Variants in CATSPERE observed in about 807,000 individuals in gnomAD.
The protein encoded by CATSPERE is catsper channel auxiliary subunit epsilon, also known as cation channel sperm-associated auxiliary subunit epsilon.
In CATSPERE, 93 loss-of-function variants were observed where a neutral mutation model predicts 114.1. That is an observed-to-expected ratio of 0.81 (90% CI 0.69 to 0.97). The LOEUF is 0.97. CATSPERE is among the 50% of genes least tolerant of loss of function. The pLI is 0.00. For missense variants in CATSPERE, 1,058 were observed against 1,131.6 expected, an observed-to-expected ratio of 0.93 and a Z score of 0.93; for synonymous variants, 341 against 384.1, an observed-to-expected ratio of 0.89 and a Z score of 1.31.
intron 13 of CATSPERE, among the ~76,000 whole-genome samples, chr1:244,584,833 AG>A (rs1276140111): frequency 3.9e-5 from 6 of 152,128 alleles, no homozygotes; most frequent in Non-Finnish European, 4.4e-5. Flanking sequence ...TCCATCCTTG[AG>A]CACTGCAGAC....
chr1:244,630,788 A>G (rs951777584), intron 20 of CATSPERE, among the ~76,000 whole-genome samples: 3 of 152,154 alleles, frequency 2.0e-5, no homozygotes, highest in Non-Finnish European at 2.9e-5. Flanking sequence ...AGTGGTTCGC[A>G]TCTGATCAAT....
intron 7 of CATSPERE, among the ~76,000 whole-genome samples, chr1:244,499,416 G>C (rs1449423086): frequency 6.6e-6 from 1 of 151,872 alleles, no homozygotes; most frequent in African/African-American, 2.4e-5. Flanking sequence ...ATGGTAGTTT[G>C]CTGCACCTAT....
intron 8 of CATSPERE, among the ~76,000 whole-genome samples, chr1:244,528,264 C>A (rs1436719813): frequency 1.3e-5 from 2 of 152,178 alleles, no homozygotes; most frequent in Non-Finnish European, 2.9e-5. Flanking sequence ...TAATGGCTTC[C>A]AGCTCCATCC....
chr1:244,572,834 AT>A (rs1324780409), intron 11 of CATSPERE, 62 bp downstream of exon 11: 2 of 1,082,794 alleles, frequency 1.8e-6, no homozygotes, highest in African/African-American at 3.2e-5. Flanking sequence ...TAATATTAAC[AT>A]TTTTGTAAAT....
chr1:244,493,133 T>G (rs367985615), intron 6 of CATSPERE, among the ~76,000 whole-genome samples: 1 of 151,820 alleles, frequency 6.6e-6, no homozygotes, highest in African/African-American at 2.4e-5. Context: ...AGCCCGCATC[T>G]CCAAGTCAAT....
chr1:244,472,379 A>G (rs750443596), intron 2 of CATSPERE, among the ~76,000 whole-genome samples: 5 of 152,200 alleles, frequency 3.3e-5, no homozygotes, highest in Non-Finnish European at 7.3e-5. Context: ...CTAATATCAG[A>G]GTCACAATTC....
At chr1:244,466,575 T>C (rs1056528831) in intron 2 of CATSPERE, among the ~76,000 whole-genome samples, 8 of 152,116 alleles carry the variant, frequency 5.3e-5, no homozygotes, top group African/African-American at 1.9e-4. Context: ...TCCCTGTCTT[T>C]AAGGGAGCGT....
At position 244,607,132 on chromosome 1, in the gene CATSPERE, T is replaced by G. The variant is rs116890038; in HGVS notation, c.2403+1338T>G. Among the ~76,000 whole-genome samples the G allele has an allele frequency of 2.5e-3, 378 of 151,740 alleles. 5 individuals are homozygous for G. Among genetic ancestry groups the G allele is most frequent in the East Asian group, 0.014 (71 of 5,112 alleles). On this transcript the variant is annotated intron_variant, in intron 18 of 21. Transcript: ENST00000366534. This position sits in a 1 kb window ranked among gnomAD's most constrained non-coding sequence, Gnocchi z 4.4. ...CTCTAGATCCTTCTTCAATAAAAGT[T>G]CCTCAGAGGACAACCCTTTCCCTAC...
At chr1:244,583,036 C>G (rs6429480) in intron 12 of CATSPERE, among the ~76,000 whole-genome samples, 148,599 of 149,684 alleles carry the variant, frequency 0.99, 73,765 homozygotes, top group Non-Finnish European at 1. Flanking sequence ...CGACTCCATA[C>G]CCAGGAGAGG....
chr1:244,595,698 G>A (rs1397925299), intron 17 of CATSPERE, among the ~76,000 whole-genome samples: 1 of 152,104 alleles, frequency 6.6e-6, no homozygotes, highest in Non-Finnish European at 1.5e-5. Context: ...TTGGGAGGCC[G>A]AGGCGGGCGG....
chr1:244,463,347 G>C (rs571291210), intron 1 of CATSPERE, among the ~76,000 whole-genome samples: 2 of 151,742 alleles, frequency 1.3e-5, no homozygotes, highest in Non-Finnish European at 2.9e-5. Context: ...ACCCTCCATC[G>C]CAGCAACATG....
chr1:244,549,430 T>C (rs12080200), intron 8 of CATSPERE, among the ~76,000 whole-genome samples: 2 of 152,136 alleles, frequency 1.3e-5, no homozygotes, highest in African/African-American at 2.4e-5. Context: ...TCTATATATA[T>C]ATATAGACAC....
intron 7 of CATSPERE, among the ~76,000 whole-genome samples, chr1:244,509,988 T>C (rs944538594): frequency 2.0e-5 from 3 of 152,168 alleles, no homozygotes; most frequent in Non-Finnish European, 4.4e-5. Context: ...TCACTCTAAG[T>C]AGCAGTTTAT....
intron 19 of CATSPERE, among the ~76,000 whole-genome samples, chr1:244,612,587 C>T (rs10754836): frequency 0.58 from 88,762 of 151,970 alleles, 26,844 homozygotes; most frequent in Middle Eastern, 0.73. Context: ...TTGAGTTTCT[C>T]GATGTGGCTG....
At chr1:244,602,158 AT>A (rs1669338359) in intron 17 of CATSPERE, among the ~76,000 whole-genome samples, 1 of 152,176 alleles carries the variant, frequency 6.6e-6, no homozygotes, top group Non-Finnish European at 1.5e-5. Flanking sequence ...GTTTCTAGAA[AT>A]AACTTATTTG....
At chr1:244,533,522 G>A (rs544278612) in intron 8 of CATSPERE, among the ~76,000 whole-genome samples, 12 of 151,896 alleles carry the variant, frequency 7.9e-5, no homozygotes, top group African/African-American at 2.7e-4. Flanking sequence ...TATTTTTTGT[G>A]TAGCTGTTGT....
At chr1:244,490,578 AATG>A (rs1337041746) in intron 6 of CATSPERE, 107 bp downstream of exon 6, 5 of 750,534 alleles carry the variant, frequency 6.7e-6, no homozygotes, top group Non-Finnish European at 1.1e-5. Flanking sequence ...TGAATTTTGC[AATG>A]ATATTTGCTT....
Position 244,611,634 on chromosome 1 carries a change from A to G in CATSPERE, c.2490+1308A>G, listed in dbSNP as rs977636521. On this transcript the variant is annotated intron_variant, in intron 19 of 21. Coordinates refer to ENST00000366534, the MANE Select transcript of CATSPERE (RefSeq NM_001130957.2). The stretch of plus-strand genomic sequence containing the variant: ...AATCAAATTAAAAAATAAAAATCAT[A>G]AGGAATTAAACTGGTAATTAAATCA... Among the ~76,000 whole-genome samples the G allele has an allele frequency of 2.0e-5, 3 of 152,192 alleles. No individual in the cohort carries two copies. The East Asian group carries it at 5.8e-4, about 29-fold the overall frequency.
chr1:244,534,066 C>G (rs72773416), intron 8 of CATSPERE, among the ~76,000 whole-genome samples: 1 of 152,050 alleles, frequency 6.6e-6, no homozygotes, highest in Non-Finnish European at 1.5e-5. Context: ...TCCCTCAGCA[C>G]TTTAAATATA....
Sources: allele counts gnomAD v4.1 joint callset (sites outside exome capture counted in the v4.1 genomes callset), GRCh38; gene constraint gnomAD v4.1.1; non-coding constraint Gnocchi (gnomAD v3.1); transcripts MANE v1.5; gene names NCBI Gene and HGNC (gene_info 2026-07-23, HGNC 2026-07-21).